The following CCDC73 variants were observed in gnomAD, a reference collection of about 807,000 sequenced individuals.
CCDC73 encodes coiled-coil domain-containing protein 73.
A neutral mutation model predicts 116.5 loss-of-function variants in CCDC73; 95 were observed. The ratio of observed to expected loss-of-function variants is 0.82; its 90% CI spans 0.69 to 0.97. The LOEUF (loss-of-function observed/expected upper bound fraction) is 0.97, where lower values mean the gene tolerates loss of function less well. Among genes scored for constraint, CCDC73 ranks in the 50% least tolerant of loss-of-function variants. The pLI, the probability that CCDC73 is intolerant of heterozygous loss-of-function variation, is 0.00. For missense variants in CCDC73, 1,066 were observed against 1,206.8 expected (o/e 0.88, Z 1.73); for synonymous variants, 398 against 401.3 (o/e 0.99, Z 0.10).
chr11:32,820,219 C>T, the CCDC73 span, among the ~76,000 whole-genome samples: 3 of 151,930 alleles, frequency 2.0e-5, no homozygotes, highest in African/African-American at 7.3e-5. Context: ...GTGGCGTGTG[C>T]AATCACTCAC....
Position 32,683,556 on chromosome 11 carries a change from G to A in CCDC73, c.409C>T (p.Gln137Ter). The change falls in exon 7 of 18, where the codon CAG becomes TAG. Residue 137 changes from glutamine (Q) to a stop codon, truncating the protein, a stop_gained. Coordinates refer to ENST00000335185, the MANE Select transcript of CCDC73 (RefSeq NM_001008391.4). LOFTEE classifies it high-confidence loss of function. ...CTTACCATTTCACTCACTTTCTTCT[G>A]TAAAGAGTATTTAGAAACCTTGAAA... Reference protein sequence around the residue: ...KALQVSKYSLQKKVSEMEQKV... With the variant: ...KALQVSKYSL 6.6e-7 allele frequency: 1 copy of A among 1,519,200 alleles called. No individual in the cohort carries two copies. The highest frequency in any genetic ancestry group is 9.1e-7 in the Non-Finnish European group (1 of 1,098,138). The allele number at this position is 1,519,200 out of a possible 1,614,324, so 94.1% of individuals were successfully genotyped here.
At chr11:32,697,027 A>T (rs531286861) in intron 6 of CCDC73, among the ~76,000 whole-genome samples, 3 of 147,108 alleles carry the variant, frequency 2.0e-5, no homozygotes, top group Non-Finnish European at 4.5e-5. Flanking sequence ...TAGAGACAGG[A>T]TCTCCCTATG....
At chr11:32,799,949 T>C in the CCDC73 span, among the ~76,000 whole-genome samples, 3 of 152,236 alleles carry the variant, frequency 2.0e-5, no homozygotes, top group African/African-American at 7.2e-5. Context: ...CATATTCATC[T>C]TTGTATCTGT....
chr11:32,736,568 G>GTAAACTGGT (rs1277179235), intron 2 of CCDC73, among the ~76,000 whole-genome samples: 1 of 152,014 alleles, frequency 6.6e-6, no homozygotes, highest in Non-Finnish European at 1.5e-5. Context: ...TGGTGGGACG[G>GTAAACTGGT]TAAACTAGTT....
At chr11:32,693,883 C>A (rs992445858) in intron 6 of CCDC73, among the ~76,000 whole-genome samples, 12 of 152,200 alleles carry the variant, frequency 7.9e-5, no homozygotes, top group Non-Finnish European at 1.3e-4. Flanking sequence ...GCTAAAAACT[C>A]TCAATAAACT....
At chr11:32,784,878 G>C (rs1434066965) in intron 1 of CCDC73, among the ~76,000 whole-genome samples, 1 of 152,140 alleles carries the variant, frequency 6.6e-6, no homozygotes, top group Admixed American at 6.6e-5. Context: ...TTCTTATAAT[G>C]ATAGAACAGA....
chr11:32,803,698 T>G, the CCDC73 span, among the ~76,000 whole-genome samples: 1 of 152,228 alleles, frequency 6.6e-6, no homozygotes, highest in African/African-American at 2.4e-5. Flanking sequence ...TTTCTTTATA[T>G]TTGAAGATTA....
intron 14 of CCDC73, among the ~76,000 whole-genome samples, chr11:32,619,460 CAGGA>C (rs1234655101): frequency 6.6e-6 from 1 of 152,134 alleles, no homozygotes; most frequent in Non-Finnish European, 1.5e-5. Context: ...TACTTGAGGC[CAGGA>C]GTTTGAGACC....
chr11:32,692,727 A>G (rs1856272454), intron 6 of CCDC73, among the ~76,000 whole-genome samples: 1 of 152,180 alleles, frequency 6.6e-6, no homozygotes, highest in Non-Finnish European at 1.5e-5. Flanking sequence ...ACACTGTTTT[A>G]CAAAATGGTC....
the CCDC73 span, among the ~76,000 whole-genome samples, chr11:32,808,959 T>C: frequency 6.6e-6 from 1 of 152,222 alleles, no homozygotes; most frequent in African/African-American, 2.4e-5. Flanking sequence ...ATACATACTG[T>C]CCTGTATCTT....
chr11:32,646,262 T>C (rs567083072), intron 12 of CCDC73, among the ~76,000 whole-genome samples: 3 of 152,232 alleles, frequency 2.0e-5, no homozygotes, highest in Non-Finnish European at 2.9e-5. Flanking sequence ...CTGTCAGCTA[T>C]ACAAATTAGG....
intron 1 of CCDC73, among the ~76,000 whole-genome samples, chr11:32,778,812 A>T (rs1256784371): frequency 1.3e-5 from 2 of 152,304 alleles, no homozygotes; most frequent in East Asian, 3.9e-4. Context: ...AAGAAAAAAA[A>T]AATCAGAGAA....
rs1424030183 is a variant in CCDC73, at chr11:32,696,084, T to C, written c.390+3167A>G. On this transcript the variant is annotated intron_variant, in intron 6 of 17. Coordinates refer to ENST00000335185, the MANE Select transcript of CCDC73 (RefSeq NM_001008391.4). The stretch of plus-strand genomic sequence containing the variant: ...CCTATGTAAACTTCAAATAGTAAAC[T>C]TGGACCTTTATTTCTTGTTTCATCA... Among the ~76,000 whole-genome samples, 4 of 152,290 alleles carry C rather than the reference T, an allele frequency of 2.6e-5. No homozygotes were observed. The East Asian group carries it at 5.8e-4, about 22-fold the overall frequency.
intron 1 of CCDC73, among the ~76,000 whole-genome samples, chr11:32,764,954 G>A (rs989085226): frequency 6.6e-6 from 1 of 151,922 alleles, no homozygotes; most frequent in Admixed American, 6.6e-5. Flanking sequence ...AAAAAGCAGG[G>A]GTTGCAATCC....
chr11:32,692,167 T>C (rs1856266295), intron 6 of CCDC73, among the ~76,000 whole-genome samples: 1 of 152,150 alleles, frequency 6.6e-6, no homozygotes, highest in Admixed American at 6.5e-5. Flanking sequence ...GTGATCCATT[T>C]TGAGTTAAAT....
chr11:32,728,032 G>A (rs112197998), intron 2 of CCDC73, among the ~76,000 whole-genome samples: 6 of 151,994 alleles, frequency 3.9e-5, no homozygotes, highest in South Asian at 2.1e-4. Context: ...CAGGTGGATC[G>A]CTTGAGGCTA....
At chr11:32,736,789 A>G (rs1357473897) in intron 2 of CCDC73, among the ~76,000 whole-genome samples, 4 of 152,052 alleles carry the variant, frequency 2.6e-5, no homozygotes, top group Admixed American at 2.6e-4. Context: ...AGACTGGATT[A>G]AGAAAATGTG....
upstream of CCDC73, among the ~76,000 whole-genome samples, chr11:32,797,065 C>A (rs1175637735): frequency 1.4e-5 from 2 of 146,930 alleles, no homozygotes; most frequent in African/African-American, 5.0e-5. Flanking sequence ...AGGACTTAAC[C>A]ATTATTTTCA....
intron 12 of CCDC73, among the ~76,000 whole-genome samples, chr11:32,645,381 T>C (rs1855769355): frequency 6.7e-6 from 1 of 148,770 alleles, no homozygotes; most frequent in Non-Finnish European, 1.5e-5. Context: ...AACCTCCATC[T>C]CCCAGGTTCA....
Sources: allele counts gnomAD v4.1 joint callset (sites outside exome capture counted in the v4.1 genomes callset), GRCh38; gene constraint gnomAD v4.1.1; transcripts MANE v1.5; gene names NCBI Gene and HGNC (gene_info 2026-07-23, HGNC 2026-07-21).